GRTP1: variants seen among roughly 807,000 people sequenced by gnomAD.
GRTP1 encodes the protein growth hormone regulated TBC protein 1.
Under a neutral mutation model 38.1 loss-of-function variants are expected in GRTP1, and 56 were observed. That is an observed-to-expected ratio of 1.47 (90% CI 1.19 to 1.84). The LOEUF is 1.84. Among genes scored for constraint, GRTP1 ranks in the 40% most tolerant of loss-of-function variants. The pLI is 0.00. For synonymous variants in GRTP1, 217 were observed against 189.5 expected (o/e 1.14, Z -1.19); for missense variants, 506 against 453.9 (o/e 1.11, Z -1.04).
At chr13:113,326,642 G>C (rs1446891383) in intron 5 of GRTP1, among the ~76,000 whole-genome samples, 2 of 151,984 alleles carry the variant, frequency 1.3e-5, no homozygotes, top group African/African-American at 4.8e-5. Context: ...CTGCACTCCA[G>C]TCTGGGCCAC....
rs2043044541 is a variant in GRTP1, at chr13:113,342,789, A to G, written c.562+2074T>C. Among the ~76,000 whole-genome samples, 1 of 152,168 alleles carries G rather than the reference A, an allele frequency of 6.6e-6. No homozygotes were observed. Among genetic ancestry groups the G allele is most frequent in the South Asian group, 2.1e-4 (1 of 4,830 alleles). ...GGAATAACCCCCTTTTCCTCCCATG[A>G]TCCTAACAGTTTAGTTTTTGTACTT... On this transcript the variant is annotated intron_variant, in intron 5 of 7. Transcript: ENST00000375431. The surrounding 1 kb of genome is among the most constrained non-coding windows in gnomAD (Gnocchi z 4.5).
chr13:113,345,079 A>AATTATGCAGGTT, intron 4 of GRTP1, 120 bp from the exon 5 acceptor site: 2 of 1,090,430 alleles, frequency 1.8e-6, no homozygotes, highest in Non-Finnish European at 2.5e-6. Context: ...TAAAACCTGC[A>AATTATGCAGGTT]TAATTGCAGA....
In GRTP1 at chr13:113,325,068, G is replaced by C. The variant is rs139898205; in HGVS notation, c.922-491C>G. 4.0e-3 allele frequency: 3,815 copies of C among 949,900 alleles called. 118 individuals are homozygous for C. The African/African-American group carries it at 0.061, about 15-fold the overall frequency. 58.8% of individuals were successfully genotyped at this position (949,900 alleles called of 1,614,324 possible). A position where few individuals can be genotyped will look rare whatever the true frequency, so the allele number is the denominator to read the frequency against. ...TGGTCTTGAACTCCTGACCTCAGGTGATCCACACGCCTTGGCCTCCCAAAG... is the reference window on the plus strand; with the variant it reads ...TGGTCTTGAACTCCTGACCTCAGGTCATCCACACGCCTTGGCCTCCCAAAG... On this transcript the variant is annotated intron_variant, in intron 7 of 7. Transcript: ENST00000375431.
At chr13:113,333,528 AG>A in intron 5 of GRTP1, among the ~76,000 whole-genome samples, 1 of 152,126 alleles carries the variant, frequency 6.6e-6, no homozygotes, top group Admixed American at 6.5e-5. Context: ...TTTTTGAGAT[AG>A]GGTCTTGCTC....
Position 113,350,895 on chromosome 13 carries a change from A to G in GRTP1, c.419T>C (p.Val140Ala), listed in dbSNP as rs754350455. 4.4e-6 allele frequency: 7 copies of G among 1,601,232 alleles called. No homozygotes were observed. The Admixed American group carries it at 8.4e-5, about 19-fold the overall frequency. ...DPCLQRTLYN[V>A]LLAYGHHNQG... is the part of the protein sequence containing the mutation. ...GTTATGGTGCCCATATGCCAGCAGC[A>G]CATTGTACAGGGTCCTCTGTAAGCA... is the stretch of plus-strand genomic sequence containing the variant. Residue 140 changes from valine to alanine, a missense_variant, in exon 4 of 8, where the codon GTG (valine) becomes GCG (alanine). By Grantham distance (64) the Val-to-Ala change is moderately conservative. Coordinates refer to ENST00000375431, the MANE Select transcript of GRTP1 (RefSeq NM_024719.4).
intron 5 of GRTP1, among the ~76,000 whole-genome samples, chr13:113,332,693 A>G (rs570665905): frequency 6.6e-6 from 1 of 152,406 alleles, no homozygotes; most frequent in South Asian, 2.1e-4. Flanking sequence ...CCACACTGAC[A>G]AAGGCCCAGT....
At chr13:113,326,820 T>C (rs1435956443) in intron 5 of GRTP1, among the ~76,000 whole-genome samples, 1 of 152,068 alleles carries the variant, frequency 6.6e-6, no homozygotes, top group Non-Finnish European at 1.5e-5. Context: ...AACCAACATG[T>C]GAATGTCCAC....
At chr13:113,346,157 T>G (rs1372589817) in intron 4 of GRTP1, among the ~76,000 whole-genome samples, 4 of 146,510 alleles carry the variant, frequency 2.7e-5, no homozygotes, top group Admixed American at 2.1e-4. Flanking sequence ...GGAGGACCTC[T>G]GTGCCTGACA....
chr13:113,344,424 A>T (rs763328652), intron 5 of GRTP1, among the ~76,000 whole-genome samples: 1 of 152,228 alleles, frequency 6.6e-6, no homozygotes, highest in Non-Finnish European at 1.5e-5. Context: ...TACTGCAAAA[A>T]GATTTTTGGC....
intron 5 of GRTP1, among the ~76,000 whole-genome samples, chr13:113,329,656 G>GA (rs2042828867): frequency 6.6e-6 from 1 of 152,230 alleles, no homozygotes; most frequent in African/African-American, 2.4e-5. Context: ...GATGTCAAAT[G>GA]AAAAAGATGG....
chr13:113,348,957 C>G lies in GRTP1; in HGVS notation c.465+1892G>C, dbSNP rs1379334495. On this transcript the variant is annotated intron_variant, in intron 4 of 7. Transcript: ENST00000375431. This position sits in a 1 kb window ranked among gnomAD's most constrained non-coding sequence, Gnocchi z 4.8. ...AAGCTAACAGGTGCACATCTCCGCA[C>G]ACACATGTACGTATGTGCCTGTAGG... Among the ~76,000 whole-genome samples, 1 of 152,236 alleles carries G rather than the reference C, an allele frequency of 6.6e-6. No individual in the cohort carries two copies. The highest frequency in any genetic ancestry group is 1.5e-5 in the Non-Finnish European group (1 of 68,042).
intron 5 of GRTP1, among the ~76,000 whole-genome samples, chr13:113,331,603 G>T (rs1163624678): frequency 4.0e-5 from 6 of 151,514 alleles, no homozygotes; most frequent in African/African-American, 7.3e-5. Context: ...ACGCAGCTCA[G>T]GTTACAGCAA....
intron 2 of GRTP1, among the ~76,000 whole-genome samples, chr13:113,358,496 A>G (rs2043436625): frequency 6.6e-6 from 1 of 152,232 alleles, no homozygotes; most frequent in Non-Finnish European, 1.5e-5. Context: ...TTATATGCAA[A>G]GCGAAAAGAA....
intron 3 of GRTP1, chr13:113,352,058 G>A (rs1279557275): frequency 6.7e-6 from 1 of 148,704 alleles, no homozygotes; most frequent in Non-Finnish European, 1.5e-5. Context: ...ATGCCTCAGA[G>A]CACATTATTT....
At chr13:113,327,314 G>A (rs1248133059) in intron 5 of GRTP1, among the ~76,000 whole-genome samples, 1 of 152,130 alleles carries the variant, frequency 6.6e-6, no homozygotes, top group Non-Finnish European at 1.5e-5. Flanking sequence ...GAGTAGCTGG[G>A]ACTACAGGTG....
At chr13:113,361,986 A>G (rs2043507909) in intron 2 of GRTP1, 1 of 151,878 alleles carries the variant, frequency 6.6e-6, no homozygotes, top group East Asian at 1.9e-4. Context: ...CATCTCTACT[A>G]AAAAATAGAA....
chr13:113,350,810 C>T (rs1300832338), intron 4 of GRTP1, 39 bp downstream of exon 4: 2 of 1,529,658 alleles, frequency 1.3e-6, no homozygotes, highest in Middle Eastern at 1.8e-4. Context: ...GACCTGTCCT[C>T]ACAGCCACCT....
At chr13:113,353,361 G>C (rs1231606463) in intron 3 of GRTP1, among the ~76,000 whole-genome samples, 1 of 152,242 alleles carries the variant, frequency 6.6e-6, no homozygotes, top group African/African-American at 2.4e-5. Context: ...AGAGCCCAGG[G>C]GTCCACTGAT....
chr13:113,324,596 G>C lies in GRTP1; in HGVS notation c.922-19C>G. On this transcript the variant is annotated intron_variant, in intron 7 of 7. Coordinates refer to ENST00000375431, the MANE Select transcript of GRTP1 (RefSeq NM_024719.4). ...ATATTTTCTGGAAGGCAAACAGTTA[G>C]TTTAAAAACAAACCCAACAACCCAT... 1.3e-6 allele frequency: 2 copies of C among 1,587,258 alleles called. No individual in the cohort carries two copies. Among genetic ancestry groups the C allele is most frequent in the Non-Finnish European group, 1.7e-6 (2 of 1,166,756 alleles).
Sources: allele counts gnomAD v4.1 joint callset (sites outside exome capture counted in the v4.1 genomes callset), GRCh38; gene constraint gnomAD v4.1.1; non-coding constraint Gnocchi (gnomAD v3.1); transcripts MANE v1.5; gene names NCBI Gene and HGNC (gene_info 2026-07-23, HGNC 2026-07-21).